ANK1: variants seen among roughly 807,000 people sequenced by gnomAD.
The protein encoded by ANK1 is ankyrin-1.
In ANK1, 51 loss-of-function variants were observed where a neutral mutation model predicts 210.4. The ratio of observed to expected loss-of-function variants is 0.24; its 90% CI spans 0.19 to 0.31. The LOEUF (loss-of-function observed/expected upper bound fraction) is 0.31, where lower values mean the gene tolerates loss of function less well. Among genes scored for constraint, ANK1 ranks in the 10% least tolerant of loss-of-function variants. The pLI, the probability that ANK1 is intolerant of heterozygous loss-of-function variation, is 1.00. For missense variants in ANK1, 2,051 were observed against 2,504.4 expected (o/e 0.82, Z 3.86); for synonymous variants, 967 against 1,025.9 (o/e 0.94, Z 1.10).
Position 41,772,367 on chromosome 8 carries a change from G to A in ANK1, c.28-14230C>T, listed in dbSNP as rs72640317. On this transcript the variant is annotated intron_variant, in intron 1 of 42. Transcript: ENST00000289734. ...CAATATTGGGAGAATAATGTAAAAT[G>A]CTGACCACCACTTCTGGCACATTTG... 7.3e-3 allele frequency among the ~76,000 whole-genome samples: 1,119 copies of A among 152,298 alleles called. 8 individuals carry two copies. Among genetic ancestry groups the A allele is most frequent in the Non-Finnish European group, 0.012 (825 of 68,018 alleles).
At chr8:41,891,760 C>T (rs1819501267) in intron 1 of ANK1, among the ~76,000 whole-genome samples, 1 of 152,200 alleles carries the variant, frequency 6.6e-6, no homozygotes, top group Non-Finnish European at 1.5e-5. Flanking sequence ...GCAGGCCCAC[C>T]TTCATTTATG....
Position 41,690,296 on chromosome 8 carries a change from C to T in ANK1, c.4035G>A (p.Lys1345=). The part of the protein sequence containing the change: ...EPGGSLSFLR[K]AMKYEDTQHI... ...GCTGGGTGTCCTCGTACTTCATCGC[C>T]TTGCGCAGAAACGACAGGGACCCTC... Residue 1345 remains lysine (K), a synonymous_variant, in exon 33 of 43, where the codon AAG becomes AAA. Coordinates refer to ENST00000289734, the MANE Select transcript of ANK1 (RefSeq NM_000037.4). The T allele has an allele frequency of 1.2e-6, 2 of 1,614,260 alleles. No individual in the cohort carries two copies. The highest frequency in any genetic ancestry group is 2.2e-5 in the South Asian group (2 of 91,086).
At chr8:41,797,640 C>A, upstream of ANK1, 1 of 1,551,024 alleles carries the variant, frequency 6.4e-7, no homozygotes, top group Non-Finnish European at 8.7e-7. The surrounding 1 kb of genome is among the most constrained non-coding windows in gnomAD (Gnocchi z 4.0). Flanking sequence ...CTGTGACGTG[C>A]GGGCCAGGCC....
chr8:41,715,662 C>A lies in ANK1; in HGVS notation c.1592G>T (p.Cys531Phe), dbSNP rs1462634026. ...GGCGGGAGGCTGTACCTTGGTCATG[C>A]AGGCCTGGGATGCTTCCTTTTCCAG... ...ALLEKEASQA[C>F]MTKKGFTPLH... Residue 531 changes from cysteine (C) to phenylalanine (F), a missense_variant, in exon 14 of 43, where the codon TGC (cysteine) becomes TTC (phenylalanine). Physicochemically the swap from Cys to Phe is radical, Grantham distance 205. Transcript: ENST00000289734. The A allele has an allele frequency of 4.3e-6, 7 of 1,613,380 alleles. No individual in the cohort carries two copies. Among genetic ancestry groups the A allele is most frequent in the South Asian group, 1.1e-5 (1 of 91,038 alleles).
At chr8:41,715,537 C>G (rs1827383069) in intron 14 of ANK1, 115 bp downstream of exon 14, 1 of 1,356,842 alleles carries the variant, frequency 7.4e-7, no homozygotes, top group African/African-American at 1.4e-5. Flanking sequence ...ACCCTTCCAG[C>G]TGCTTGCAGC....
intron 9 of ANK1, among the ~76,000 whole-genome samples, chr8:41,722,566 G>A (rs530138543): frequency 6.6e-6 from 1 of 152,298 alleles, no homozygotes; most frequent in Non-Finnish European, 1.5e-5. Flanking sequence ...GCCACGTAAC[G>A]GGCCTTTTCT....
chr8:41,797,689 G>A, upstream of ANK1: 2 of 1,237,600 alleles, frequency 1.6e-6, no homozygotes, highest in Admixed American at 3.5e-5. This position sits in a 1 kb window ranked among gnomAD's most constrained non-coding sequence, Gnocchi z 4.0. Flanking sequence ...CTTGCTGTCG[G>A]GCCGGGCGCT....
intron 1 of ANK1, among the ~76,000 whole-genome samples, chr8:41,780,644 C>T (rs555627095): frequency 6.6e-6 from 1 of 152,356 alleles, no homozygotes; most frequent in East Asian, 1.9e-4. Context: ...GCCAAGGGAA[C>T]ATGTGTTCCA....
intron 16 of ANK1, 95 bp downstream of exon 16, chr8:41,714,061 C>T: frequency 4.4e-6 from 4 of 902,764 alleles, no homozygotes; most frequent in Non-Finnish European, 6.0e-6. Flanking sequence ...AACGCAAAAC[C>T]CTTGGGCTGC....
chr8:41,868,475 A>G (rs979250644), intron 1 of ANK1, among the ~76,000 whole-genome samples: 1 of 152,274 alleles, frequency 6.6e-6, no homozygotes, highest in African/African-American at 2.4e-5. Context: ...GTCCTCTCAG[A>G]GACCTTTTAA....
intron 37 of ANK1, among the ~76,000 whole-genome samples, chr8:41,673,400 C>T (rs1813125983): frequency 6.6e-6 from 1 of 152,146 alleles, no homozygotes; most frequent in Non-Finnish European, 1.5e-5. Flanking sequence ...AAAGGCCACC[C>T]AGAACCAGGG....
chr8:41,758,284 C>G, intron 1 of ANK1, 147 bp from the exon 2 acceptor site: 2 of 766,692 alleles, frequency 2.6e-6, no homozygotes. Flanking sequence ...GCACAGGAGC[C>G]TGAGAGCCCC....
chr8:41,731,938 C>T (rs745649784), intron 3 of ANK1, among the ~76,000 whole-genome samples: 9 of 152,226 alleles, frequency 5.9e-5, no homozygotes, highest in Non-Finnish European at 1.2e-4. Context: ...ATAATCTCAC[C>T]CTTCATCCAC....
Position 41,797,612 on chromosome 8 carries a change from C to T in ANK1, c.-74G>A. ...GGAGCAGCTGGGGCTGGCGGACTCA[C>T]CGCAGCCTCTGCGGGGCCTGTGACG... On this transcript the variant is annotated 5_prime_UTR_variant, in exon 1 of 43. The change creates a new upstream start codon in the 5' untranslated region. Transcript: ENST00000289734. This position sits in a 1 kb window ranked among gnomAD's most constrained non-coding sequence, Gnocchi z 4.0. 4.4e-6 allele frequency: 7 copies of T among 1,602,786 alleles called. No homozygotes were observed. The highest frequency in any genetic ancestry group is 8.5e-7 in the Non-Finnish European group (1 of 1,175,894).
intron 5 of ANK1, among the ~76,000 whole-genome samples, chr8:41,726,491 G>A (rs1830738202): frequency 6.6e-6 from 1 of 152,138 alleles, no homozygotes; most frequent in Non-Finnish European, 1.5e-5. Flanking sequence ...TTGGGCTCAA[G>A]TGATCCTCCC....
Position 41,660,097 on chromosome 8 carries a change from A to C in ANK1, c.*36+1333T>G, listed in dbSNP as rs531320481. ...TTCTTTCCAGGACCCAACAGCAGCT[A>C]CTCAGAGTCTTCTAAACCAGCAGCC... On this transcript the variant is annotated intron_variant, in intron 42 of 42. Coordinates refer to ENST00000289734, the MANE Select transcript of ANK1 (RefSeq NM_000037.4). Among the ~76,000 whole-genome samples the C allele has an allele frequency of 3.3e-5, 5 of 152,192 alleles. No homozygotes were observed. In the East Asian group the frequency reaches 9.7e-4, roughly 30 times the overall value.
intron 1 of ANK1, among the ~76,000 whole-genome samples, chr8:41,843,804 T>C (rs117163977): frequency 6.6e-6 from 1 of 152,300 alleles, no homozygotes; most frequent in African/African-American, 2.4e-5. Flanking sequence ...AAGATACGTA[T>C]GATGCAGGCA....
At chr8:41,725,205 G>A (rs919908256) in intron 6 of ANK1, among the ~76,000 whole-genome samples, 1 of 152,212 alleles carries the variant, frequency 6.6e-6, no homozygotes, top group Non-Finnish European at 1.5e-5. Flanking sequence ...GGTGGATCTG[G>A]GGCCGGTGGA....
At chr8:41,771,183 A>T (rs1842892172) in intron 1 of ANK1, among the ~76,000 whole-genome samples, 1 of 152,162 alleles carries the variant, frequency 6.6e-6, no homozygotes. Context: ...CAGCTATAAG[A>T]GATACGTGAC....
Sources: gnomAD v4.1 joint callset for allele counts (sites outside exome capture counted in the v4.1 genomes callset) on GRCh38, gnomAD v4.1.1 for gene constraint, Gnocchi (gnomAD v3.1) non-coding constraint, MANE v1.5 for transcripts, NCBI Gene and HGNC (gene_info 2026-07-23, HGNC 2026-07-21) for gene names.